Variants in TENM3 observed in about 807,000 individuals in gnomAD.
The protein encoded by TENM3 is teneurin-3.
A neutral mutation model predicts 255.1 loss-of-function variants in TENM3; 63 were observed. That is an observed-to-expected ratio of 0.25 (90% CI 0.20 to 0.30). TENM3 has a LOEUF of 0.30. Among genes scored for constraint, TENM3 ranks in the 10% least tolerant of loss-of-function variants. The pLI is 1.00. For synonymous variants in TENM3, 1,306 were observed against 1,322.3 expected, an observed-to-expected ratio of 0.99 and a Z score of 0.27; for missense variants, 2,929 against 3,461.1, an observed-to-expected ratio of 0.85 and a Z score of 3.86.
the TENM3 span, among the ~76,000 whole-genome samples, chr4:181,698,239 G>A: frequency 1.3e-5 from 2 of 150,434 alleles, no homozygotes; most frequent in Non-Finnish European, 1.5e-5. Flanking sequence ...AAGATAAAAT[G>A]TATTACGTCT....
chr4:182,757,815 AT>A (rs1437759678), intron 22 of TENM3, among the ~76,000 whole-genome samples: 1 of 152,196 alleles, frequency 6.6e-6, no homozygotes, highest in Non-Finnish European at 1.5e-5. Flanking sequence ...ATTTTAATTA[AT>A]TAAAATACAG....
the TENM3 span, among the ~76,000 whole-genome samples, chr4:181,792,459 G>A: frequency 4.6e-5 from 7 of 152,074 alleles, no homozygotes; most frequent in Admixed American, 6.6e-5. Context: ...AGATAAAAAC[G>A]TAAATAAGTC....
At chr4:181,474,510 C>T in the TENM3 span, among the ~76,000 whole-genome samples, 3,762 of 151,742 alleles carry the variant, frequency 0.025, 148 homozygotes, top group African/African-American at 0.083. Flanking sequence ...GCTAGGCAGG[C>T]GAATCATGGG....
intron 4 of TENM3, among the ~76,000 whole-genome samples, chr4:182,627,473 T>G (rs1008866643): frequency 6.6e-6 from 1 of 152,158 alleles, no homozygotes; most frequent in African/African-American, 2.4e-5. Flanking sequence ...TATATGAGTA[T>G]TAAAATTAGA....
chr4:182,458,880 C>T (rs1301836415), intron 3 of TENM3, among the ~76,000 whole-genome samples: 3 of 152,162 alleles, frequency 2.0e-5, no homozygotes, highest in Non-Finnish European at 4.4e-5. Context: ...GTGCTATGGA[C>T]TGCATATGCC....
the TENM3 span, among the ~76,000 whole-genome samples, chr4:182,135,131 G>A: frequency 6.1e-5 from 9 of 146,992 alleles, no homozygotes; most frequent in Non-Finnish European, 1.3e-4. Context: ...GCTGGAACCC[G>A]GGAGGCGGAC....
the TENM3 span, among the ~76,000 whole-genome samples, chr4:182,107,151 TACACACACACACACACACAC>T: frequency 6.9e-6 from 1 of 145,962 alleles, no homozygotes; most frequent in Non-Finnish European, 1.5e-5. Flanking sequence ...AAACAGAACA[TACACACACACACACACACAC>T]ACACACACAC....
intron 1 of TENM3, among the ~76,000 whole-genome samples, chr4:182,282,653 G>A (rs929048274): frequency 6.6e-6 from 1 of 152,090 alleles, no homozygotes; most frequent in Admixed American, 6.5e-5. Context: ...AGCACTTTGG[G>A]AGGCCTAGGC....
In TENM3 at chr4:182,800,902, T is replaced by G. The variant is rs2152842121; in HGVS notation, c.*551T>G. The G allele has an allele frequency of 6.5e-6, 1 of 152,758 alleles. No individual in the cohort carries two copies. The highest frequency in any genetic ancestry group is 2.1e-4 in the South Asian group (1 of 4,820). 9.5% of individuals were successfully genotyped at this position (152,758 alleles called of 1,614,324 possible). On this transcript the variant is annotated 3_prime_UTR_variant, in exon 28 of 28. Transcript: ENST00000511685. ...CTGCGGCGGGGATTTATTAATGGATTTTACAATGCTAACGTGGTTTCCCTT... is the reference window on the plus strand; with the variant it reads ...CTGCGGCGGGGATTTATTAATGGATGTTACAATGCTAACGTGGTTTCCCTT...
At chr4:181,893,633 T>G in the TENM3 span, among the ~76,000 whole-genome samples, 1 of 152,076 alleles carries the variant, frequency 6.6e-6, no homozygotes, top group African/African-American at 2.4e-5. Context: ...ATATTTGTGC[T>G]TTTATGAAAC....
the TENM3 span, among the ~76,000 whole-genome samples, chr4:181,571,216 T>C: frequency 2.6e-5 from 4 of 152,014 alleles, no homozygotes; most frequent in Admixed American, 2.6e-4. Context: ...GGCGGGAAAG[T>C]AGAAAGGAAA....
At chr4:181,605,494 GAAAGAAAGAAAGAA>G in the TENM3 span, among the ~76,000 whole-genome samples, 3 of 8,150 alleles carry the variant, frequency 3.7e-4, no homozygotes, top group Non-Finnish European at 7.8e-4. Context: ...AAGAAAGAAA[GAAAGAAAGAAAGAA>G]AGAAAGAAAG....
chr4:182,738,492 C>T lies in TENM3; in HGVS notation c.3327C>T (p.Ser1109=). 1.2e-6 allele frequency: 2 copies of T among 1,613,110 alleles called. No homozygotes were observed. The highest frequency in any genetic ancestry group is 1.1e-5 in the South Asian group (1 of 90,934). Residue 1109 remains serine, a synonymous_variant, in exon 18 of 28, where the codon TCC becomes TCT. Transcript: ENST00000511685. ...TGCAGGGCTATGAATTGGATGCGTC[C>T]AACATGGGTGGCTGGACATTAGATA... The part of the protein sequence containing the change: ...AILQGYELDA[S]NMGGWTLDKH...
chr4:182,512,379 A>G (rs577390732), intron 3 of TENM3, among the ~76,000 whole-genome samples: 5 of 152,326 alleles, frequency 3.3e-5, no homozygotes, highest in Non-Finnish European at 7.3e-5. Flanking sequence ...CCACGTGGAA[A>G]GTTGTCCCAT....
chr4:182,145,119 C>T (rs1181427153), intron 1 of TENM3: 2 of 152,158 alleles, frequency 1.3e-5, no homozygotes, highest in African/African-American at 2.4e-5. Flanking sequence ...CTTCGGCCCC[C>T]GATGTGTGGC....
At chr4:181,923,293 G>A in the TENM3 span, among the ~76,000 whole-genome samples, 1 of 151,686 alleles carries the variant, frequency 6.6e-6, no homozygotes, top group Non-Finnish European at 1.5e-5. Flanking sequence ...AGATGAGTGT[G>A]CATTGCAGAG....
chr4:181,845,953 A>G, the TENM3 span, among the ~76,000 whole-genome samples: 1 of 152,108 alleles, frequency 6.6e-6, no homozygotes, highest in African/African-American at 2.4e-5. Context: ...TTTTCCTACT[A>G]ATAAGCTTTC....
chr4:181,913,518 G>C, the TENM3 span, among the ~76,000 whole-genome samples: 1 of 152,138 alleles, frequency 6.6e-6, no homozygotes, highest in African/African-American at 2.4e-5. Context: ...GCTAGGGTTA[G>C]ACCGCACAGT....
intron 5 of TENM3, among the ~76,000 whole-genome samples, chr4:182,636,214 T>G (rs1413515221): frequency 1.3e-5 from 2 of 152,190 alleles, no homozygotes; most frequent in African/African-American, 4.8e-5. Flanking sequence ...GTGTTGCCTA[T>G]ATTTTAGAGG....
Sources: gnomAD v4.1 joint callset for allele counts (sites outside exome capture counted in the v4.1 genomes callset) on GRCh38, gnomAD v4.1.1 for gene constraint, MANE v1.5 for transcripts, NCBI Gene and HGNC (gene_info 2026-07-23, HGNC 2026-07-21) for gene names.